The following PAK1 variants were observed in gnomAD, a reference collection of about 807,000 sequenced individuals.
PAK1 encodes the protein p21 (RAC1) activated kinase 1.
PAK1 carries 29 observed loss-of-function variants against 67.4 expected under a neutral mutation model. That is an observed-to-expected ratio of 0.43 (90% confidence interval 0.32 to 0.59). The LOEUF is 0.59. Ranked by LOEUF, PAK1 falls within the 20% of genes least tolerant of loss-of-function variation. The probability of loss-of-function intolerance (pLI) is 0.07; values close to 1 mark genes in which losing one functional copy is unlikely to be tolerated. For missense variants in PAK1, 337 were observed against 670.7 expected (o/e 0.50, Z 5.50); for synonymous variants, 223 against 237.4 (o/e 0.94, Z 0.56).
chr11:77,499,067 A>G, the PAK1 span, among the ~76,000 whole-genome samples: 1 of 151,896 alleles, frequency 6.6e-6, no homozygotes, highest in African/African-American at 2.4e-5. Context: ...AAAGCCTTCT[A>G]TTAAATTTAC....
the PAK1 span, among the ~76,000 whole-genome samples, chr11:77,512,152 T>A: frequency 6.6e-6 from 1 of 152,154 alleles, no homozygotes; most frequent in African/African-American, 2.4e-5. Context: ...AATTGGTTGC[T>A]CATGGGCAAC....
chr11:77,381,136 AGAGTGTGTGT>A (rs1276743145), intron 2 of PAK1, among the ~76,000 whole-genome samples: 1 of 133,734 alleles, frequency 7.5e-6, no homozygotes, highest in African/African-American at 3.5e-5. Context: ...ACCTCACCAC[AGAGTGTGTGT>A]GTGTGTGTGT....
intron 11 of PAK1, among the ~76,000 whole-genome samples, chr11:77,339,413 G>A (rs1222686909): frequency 1.3e-5 from 2 of 151,924 alleles, no homozygotes; most frequent in Admixed American, 6.6e-5. Flanking sequence ...TCATGGCAGG[G>A]AGTATGATTA....
chr11:77,416,187 C>T (rs774361022), intron 1 of PAK1, among the ~76,000 whole-genome samples: 1 of 152,168 alleles, frequency 6.6e-6, no homozygotes. Flanking sequence ...CCATGTTGTC[C>T]AGGCTGGTCT....
chr11:77,384,468 A>G (rs905410234), intron 2 of PAK1, among the ~76,000 whole-genome samples: 9 of 152,258 alleles, frequency 5.9e-5, no homozygotes, highest in African/African-American at 2.2e-4. Context: ...GAATGTTCAC[A>G]TTAGCTTATT....
chr11:77,497,692 T>C, the PAK1 span, among the ~76,000 whole-genome samples: 9 of 152,214 alleles, frequency 5.9e-5, no homozygotes, highest in Non-Finnish European at 1.3e-4. Context: ...GTCAGTTCTA[T>C]TCCAAAGGGC....
the PAK1 span, among the ~76,000 whole-genome samples, chr11:77,528,305 C>T: frequency 1.3e-5 from 2 of 151,746 alleles, no homozygotes; most frequent in Non-Finnish European, 2.9e-5. Context: ...ACGTAATTTT[C>T]CTACATTATC....
At chr11:77,339,298 T>A (rs1018102517) in intron 11 of PAK1, among the ~76,000 whole-genome samples, 2 of 152,034 alleles carry the variant, frequency 1.3e-5, no homozygotes, top group African/African-American at 4.8e-5. Flanking sequence ...TCTCAACTAG[T>A]GAAACTTCGT....
At chr11:77,444,763 G>T (rs1331481512) in intron 1 of PAK1, among the ~76,000 whole-genome samples, 2 of 152,144 alleles carry the variant, frequency 1.3e-5, no homozygotes, top group Non-Finnish European at 2.9e-5. Flanking sequence ...AACTGAAGTT[G>T]TCTTTTTCCT....
chr11:77,446,552 G>T (rs560373870), intron 1 of PAK1, among the ~76,000 whole-genome samples: 8 of 150,422 alleles, frequency 5.3e-5, no homozygotes, highest in African/African-American at 2.0e-4. Context: ...CAGACCCAAG[G>T]TCATATAGTT....
the PAK1 span, chr11:77,515,044 T>C: frequency 3.3e-5 from 5 of 152,352 alleles, no homozygotes; most frequent in African/African-American, 1.2e-4. Context: ...GAAAAGAGCA[T>C]GACATTACCT....
At chr11:77,443,305 TAAAAA>T (rs11330130) in intron 1 of PAK1, among the ~76,000 whole-genome samples, 1 of 126,928 alleles carries the variant, frequency 7.9e-6, no homozygotes, top group Non-Finnish European at 1.7e-5. Flanking sequence ...CTCCGTCTCT[TAAAAA>T]AAAAAAAAAA....
chr11:77,355,675 C>A lies in PAK1; in HGVS notation c.765G>T (p.Glu255Asp), dbSNP rs2136511142. ...KPKMSDEEILEKLRSIVSVGD... is the reference protein window; with the variant it reads ...KPKMSDEEILDKLRSIVSVGD... ...AAGCTACAAATTCCTTACGTAATTT[C>A]TCCAAGATCTCCTCATCAGACATTT... Residue 255 changes from glutamate to aspartate, a missense_variant, in exon 7 of 15, where the codon GAG becomes GAT. Transcript: ENST00000356341. The A allele has an allele frequency of 1.9e-6, 3 of 1,612,414 alleles. 1 individual carries two copies. The highest frequency in any genetic ancestry group is 2.5e-6 in the Non-Finnish European group (3 of 1,178,672).
intron 1 of PAK1, among the ~76,000 whole-genome samples, chr11:77,401,048 C>G (rs189025786): frequency 5.2e-4 from 79 of 152,300 alleles, no homozygotes; most frequent in Non-Finnish European, 2.9e-4. Context: ...GAATAGATAA[C>G]CTCTAATATT....
In PAK1 at chr11:77,355,744, T is replaced by C. The variant is rs912574274; in HGVS notation, c.696A>G (p.Pro232=). ...ISPTENNTTP[P]DALTRNTEKQ... ...TCTCAGTATTCCGGGTCAAAGCATC[T>C]GGTGGAGTGGTGTTATTTTCAGTAG... The change falls in exon 7 of 15, where the codon CCA becomes CCG. Residue 232 remains proline (P), a synonymous_variant. Coordinates refer to ENST00000356341, the MANE Select transcript of PAK1 (RefSeq NM_002576.5). 2.5e-6 allele frequency: 4 copies of C among 1,613,280 alleles called. No individual in the cohort carries two copies. The South Asian group carries it at 4.4e-5, about 18-fold the overall frequency.
At chr11:77,410,623 CA>C (rs1954362967) in intron 1 of PAK1, among the ~76,000 whole-genome samples, 1 of 146,850 alleles carries the variant, frequency 6.8e-6, no homozygotes, top group Non-Finnish European at 1.5e-5. Context: ...ACTGGCTACA[CA>C]GGGGGAGAAA....
At chr11:77,361,764 T>C (rs1487815550) in intron 5 of PAK1, among the ~76,000 whole-genome samples, 2 of 152,154 alleles carry the variant, frequency 1.3e-5, no homozygotes, top group African/African-American at 4.8e-5. Flanking sequence ...TCTGATAGAG[T>C]ACTCAAAGCT....
intron 2 of PAK1, among the ~76,000 whole-genome samples, chr11:77,386,752 A>G (rs1336968417): frequency 6.6e-6 from 1 of 152,138 alleles, no homozygotes; most frequent in Non-Finnish European, 1.5e-5. Context: ...GTCTGGGTGG[A>G]ATGCAGGTAT....
intron 2 of PAK1, among the ~76,000 whole-genome samples, chr11:77,383,030 C>T (rs1855790132): frequency 6.6e-6 from 1 of 151,988 alleles, no homozygotes; most frequent in Non-Finnish European, 1.5e-5. Context: ...TAGGGAGTGA[C>T]TCTAGAGACC....
Sources: gnomAD v4.1 joint callset for allele counts (sites outside exome capture counted in the v4.1 genomes callset) on GRCh38, gnomAD v4.1.1 for gene constraint, MANE v1.5 for transcripts, NCBI Gene and HGNC (gene_info 2026-07-23, HGNC 2026-07-21) for gene names.